The following DCC variants were observed in gnomAD, a reference collection of about 807,000 sequenced individuals.
The protein encoded by DCC is DCC netrin 1 receptor.
DCC carries 58 observed loss-of-function variants against 172.5 expected under a neutral mutation model. That is an observed-to-expected ratio of 0.34 (90% CI 0.27 to 0.42). The LOEUF (loss-of-function observed/expected upper bound fraction) is 0.42, where lower values mean the gene tolerates loss of function less well. Ranked by LOEUF, DCC falls within the 10% of genes least tolerant of loss-of-function variation. DCC has a pLI of 1.00. For missense variants in DCC, 1,740 were observed against 1,791.0 expected (o/e 0.97, Z 0.51); for synonymous variants, 709 against 644.5 (o/e 1.10, Z -1.52).
At chr18:52,468,367 A>C (rs2144554866) in intron 1 of DCC, among the ~76,000 whole-genome samples, 1 of 152,318 alleles carries the variant, frequency 6.6e-6, no homozygotes, top group Non-Finnish European at 1.5e-5. Context: ...ACAAAGATGA[A>C]AGTATGATAA....
At chr18:52,704,793 C>G (rs1240563480) in intron 1 of DCC, among the ~76,000 whole-genome samples, 1 of 152,118 alleles carries the variant, frequency 6.6e-6, no homozygotes, top group Non-Finnish European at 1.5e-5. Context: ...TTAACTGATG[C>G]CTTTTCAACT....
At chr18:52,655,994 ATATGTGCG>A (rs2035237820) in intron 1 of DCC, among the ~76,000 whole-genome samples, 5 of 145,652 alleles carry the variant, frequency 3.4e-5, no homozygotes, top group African/African-American at 1.3e-4. Flanking sequence ...GTGTATATAT[ATATGTGCG>A]TATATATATA....
chr18:53,358,895 A>G (rs1210035971), intron 15 of DCC, among the ~76,000 whole-genome samples: 15 of 152,214 alleles, frequency 9.9e-5, no homozygotes, highest in Admixed American at 9.8e-4. Context: ...CATGAAAAGA[A>G]TAAGTGTGGT....
intron 1 of DCC, among the ~76,000 whole-genome samples, chr18:52,392,270 C>T (rs779596484): frequency 2.0e-4 from 31 of 152,022 alleles, no homozygotes; most frequent in Non-Finnish European, 3.7e-4. Context: ...ATTTTTCAGC[C>T]TAATAACAGA....
chr18:52,436,287 C>T (rs1003442791), intron 1 of DCC, among the ~76,000 whole-genome samples: 4 of 152,204 alleles, frequency 2.6e-5, no homozygotes, highest in Non-Finnish European at 2.9e-5. Context: ...CCCATGTTTA[C>T]GACTTCACTG....
intron 2 of DCC, among the ~76,000 whole-genome samples, chr18:52,772,038 T>A (rs1226574500): frequency 6.6e-6 from 1 of 152,154 alleles, no homozygotes; most frequent in Non-Finnish European, 1.5e-5. Context: ...CTCCATAATA[T>A]CCTCTTTTTT....
In DCC at chr18:53,021,700, A is replaced by G. The variant is rs866105903; in HGVS notation, c.986-41605A>G. 6.6e-5 allele frequency among the ~76,000 whole-genome samples: 10 copies of G among 152,380 alleles called. 1 individual carries two copies. Among genetic ancestry groups the G allele is most frequent in the Middle Eastern group, 3.4e-3 (1 of 294 alleles). On this transcript the variant is annotated intron_variant, in intron 5 of 28. Coordinates refer to ENST00000442544, the MANE Select transcript of DCC (RefSeq NM_005215.4). Reference sequence around the variant, plus strand: ...TGAAGTTCAATTGATTGCTTTAATCAGACCATGCTCTTGCAGATGTACTGT... The same window carrying G: ...TGAAGTTCAATTGATTGCTTTAATCGGACCATGCTCTTGCAGATGTACTGT...
intron 1 of DCC, among the ~76,000 whole-genome samples, chr18:52,542,005 G>A (rs2032475467): frequency 6.8e-6 from 1 of 146,270 alleles, no homozygotes; most frequent in African/African-American, 2.5e-5. Flanking sequence ...TCAGCAATAT[G>A]CTAGCAATAT....
chr18:52,846,617 A>G (rs1395005632), intron 2 of DCC, among the ~76,000 whole-genome samples: 38 of 111,368 alleles, frequency 3.4e-4, no homozygotes, highest in African/African-American at 1.1e-3. Context: ...AAACACACAC[A>G]CACACACACA....
intron 1 of DCC, among the ~76,000 whole-genome samples, chr18:52,666,007 A>G (rs1487723085): frequency 6.6e-6 from 1 of 152,230 alleles, no homozygotes; most frequent in African/African-American, 2.4e-5. Context: ...TAAGGAAAGT[A>G]AGAAATTCGG....
intron 1 of DCC, among the ~76,000 whole-genome samples, chr18:52,485,314 A>G (rs1265756503): frequency 6.6e-6 from 1 of 152,122 alleles, no homozygotes; most frequent in Non-Finnish European, 1.5e-5. Flanking sequence ...AAAACCATAG[A>G]ATACCTCAGC....
At chr18:52,769,844 G>C (rs1031110915) in intron 2 of DCC, among the ~76,000 whole-genome samples, 7 of 152,140 alleles carry the variant, frequency 4.6e-5, no homozygotes, top group Non-Finnish European at 8.8e-5. Context: ...GAATAAAACT[G>C]TCTTTCACCA....
intron 9 of DCC, among the ~76,000 whole-genome samples, chr18:53,183,139 T>C (rs939476689): frequency 1.4e-4 from 22 of 152,160 alleles, no homozygotes; most frequent in Non-Finnish European, 2.9e-4. Context: ...ATCAACTCTA[T>C]TATACAAACC....
chr18:53,213,321 C>T (rs1345565541), intron 11 of DCC, among the ~76,000 whole-genome samples: 1 of 151,978 alleles, frequency 6.6e-6, no homozygotes, highest in Non-Finnish European at 1.5e-5. Context: ...AGTATTACAA[C>T]ATTAAATATA....
At chr18:53,034,253 A>C (rs1006611718) in intron 5 of DCC, among the ~76,000 whole-genome samples, 3 of 152,002 alleles carry the variant, frequency 2.0e-5, no homozygotes, top group Non-Finnish European at 4.4e-5. Context: ...CATGATATCT[A>C]TTCATACATT....
intron 25 of DCC, among the ~76,000 whole-genome samples, chr18:53,469,252 A>G (rs1284786877): frequency 6.6e-6 from 1 of 152,186 alleles, no homozygotes; most frequent in Admixed American, 6.5e-5. Flanking sequence ...AAAACCTGGT[A>G]AAATAAGCAG....
intron 24 of DCC, 57 bp downstream of exon 24, chr18:53,459,515 T>C: frequency 9.3e-7 from 1 of 1,080,742 alleles, no homozygotes; most frequent in Non-Finnish European, 1.4e-6. Flanking sequence ...CCAAGGGAGT[T>C]TTTCACTCCT....
chr18:52,614,713 G>T (rs896325149), intron 1 of DCC, among the ~76,000 whole-genome samples: 2 of 152,080 alleles, frequency 1.3e-5, no homozygotes, highest in African/African-American at 4.8e-5. Flanking sequence ...AGACCAGAAA[G>T]ATAGTCCCTT....
At chr18:53,226,691 A>C (rs2056033417) in intron 12 of DCC, among the ~76,000 whole-genome samples, 1 of 151,928 alleles carries the variant, frequency 6.6e-6, no homozygotes, top group Non-Finnish European at 1.5e-5. Context: ...GTTGGCCAAA[A>C]AAACAAACAA....
Sources: allele counts gnomAD v4.1 joint callset (sites outside exome capture counted in the v4.1 genomes callset), GRCh38; gene constraint gnomAD v4.1.1; transcripts MANE v1.5; gene names NCBI Gene and HGNC (gene_info 2026-07-23, HGNC 2026-07-21).